The following GRID1 variants were observed in gnomAD, a reference collection of about 807,000 sequenced individuals.
GRID1 encodes glutamate receptor ionotropic, delta-1.
GRID1 carries 28 observed loss-of-function variants against 98.0 expected under a neutral mutation model. The observed-to-expected ratio is 0.29, with a 90% confidence interval of 0.21 to 0.39. The LOEUF (loss-of-function observed/expected upper bound fraction) is 0.39, where lower values mean the gene tolerates loss of function less well. Among genes scored for constraint, GRID1 ranks in the 10% least tolerant of loss-of-function variants. GRID1 has a pLI of 1.00. For missense variants in GRID1, 1,111 were observed against 1,340.5 expected (o/e 0.83, Z 2.67); for synonymous variants, 553 against 538.5 (o/e 1.03, Z -0.37).
intron 4 of GRID1, among the ~76,000 whole-genome samples, chr10:86,123,035 T>A (rs558580644): frequency 3.1e-4 from 47 of 152,336 alleles, no homozygotes; most frequent in African/African-American, 6.5e-4. Flanking sequence ...TGCCCAGCTT[T>A]GAGGATGAAC....
chr10:86,128,002 T>C (rs376497420), intron 4 of GRID1, among the ~76,000 whole-genome samples: 7 of 152,202 alleles, frequency 4.6e-5, no homozygotes, highest in East Asian at 1.9e-4. Context: ...CTCCAGCTTA[T>C]GACCAGTAAA....
At chr10:85,844,045 G>C (rs1233406382) in intron 8 of GRID1, among the ~76,000 whole-genome samples, 1 of 152,036 alleles carries the variant, frequency 6.6e-6, no homozygotes, top group African/African-American at 2.4e-5. Flanking sequence ...TAAACAAATA[G>C]TGAGGCATCC....
intron 2 of GRID1, among the ~76,000 whole-genome samples, chr10:86,216,481 C>T (rs1846178616): frequency 5.3e-5 from 8 of 152,324 alleles, no homozygotes; most frequent in Middle Eastern, 3.4e-3. Context: ...CTAGAGTTAG[C>T]CTTCAGCGCA....
chr10:85,615,554 T>G (rs1371808687), intron 14 of GRID1, among the ~76,000 whole-genome samples: 1 of 152,232 alleles, frequency 6.6e-6, no homozygotes, highest in African/African-American at 2.4e-5. Flanking sequence ...CTTAGGGCAC[T>G]GATCAGCATG....
chr10:86,159,883 G>T (rs1589392199), intron 3 of GRID1, among the ~76,000 whole-genome samples: 1 of 152,122 alleles, frequency 6.6e-6, no homozygotes, highest in Admixed American at 6.5e-5. Flanking sequence ...ATTCAAAGCA[G>T]GTAGAATAGT....
At chr10:85,792,855 G>A (rs888268316) in intron 8 of GRID1, among the ~76,000 whole-genome samples, 1 of 152,198 alleles carries the variant, frequency 6.6e-6, no homozygotes, top group African/African-American at 2.4e-5. Flanking sequence ...CTCTGAGAAG[G>A]TGGGCCAGCA....
In GRID1 at chr10:86,365,265, C is replaced by G. The variant is rs72845194; in HGVS notation, c.79+1049G>C. ...CACCACCCACCCTCCCGCCTTGTCC[C>G]GTCCTCCTCGCCTTCAACACCTCCC... On this transcript the variant is annotated intron_variant, in intron 1 of 15. Transcript: ENST00000327946. The surrounding 1 kb of genome is among the most constrained non-coding windows in gnomAD (Gnocchi z 4.8). 0.052 allele frequency among the ~76,000 whole-genome samples: 7,852 copies of G among 151,968 alleles called. 291 individuals carry two copies. The highest frequency in any genetic ancestry group is 0.075 in the Non-Finnish European group (5,062 of 67,894).
rs1172771588 is a variant in GRID1, at chr10:86,206,671, G to A, written c.236-23C>T. The A allele has an allele frequency of 4.4e-6, 7 of 1,600,118 alleles. No individual in the cohort carries two copies. Among genetic ancestry groups the A allele is most frequent in the African/African-American group, 1.3e-5 (1 of 74,830 alleles). ...AGGCTAGAAAGAGAGAAGAGAGAGA[G>A]GAAGGGGTCAGCATCAGGGCGATGC... On this transcript the variant is annotated intron_variant, in intron 2 of 15. Transcript: ENST00000327946. This position sits in a 1 kb window ranked among gnomAD's most constrained non-coding sequence, Gnocchi z 4.1.
At chr10:86,138,588 A>T (rs2131971752) in intron 4 of GRID1, among the ~76,000 whole-genome samples, 1 of 152,278 alleles carries the variant, frequency 6.6e-6, no homozygotes, top group African/African-American at 2.4e-5. Flanking sequence ...GCCTCCCCAC[A>T]GCTCTTCAGA....
intron 4 of GRID1, among the ~76,000 whole-genome samples, chr10:85,982,133 A>T (rs1191556173): frequency 6.6e-6 from 1 of 151,752 alleles, no homozygotes; most frequent in Non-Finnish European, 1.5e-5. Flanking sequence ...GGAGACCAGG[A>T]CAGATGGAAA....
intron 2 of GRID1, among the ~76,000 whole-genome samples, chr10:86,216,315 G>A (rs1846176386): frequency 6.6e-6 from 1 of 152,252 alleles, no homozygotes; most frequent in Non-Finnish European, 1.5e-5. Context: ...AGAAGATATG[G>A]AACAATTGAA....
chr10:85,637,311 C>A lies in GRID1; in HGVS notation c.2193+9891G>T, dbSNP rs1590169532. Reference sequence around the variant, plus strand: ...TTGCATGTAAATCATAAATGTATAACCTAAAGATTTCCTCTCAAAACTGCT... The same window carrying A: ...TTGCATGTAAATCATAAATGTATAAACTAAAGATTTCCTCTCAAAACTGCT... On this transcript the variant is annotated intron_variant, in intron 13 of 15. Coordinates refer to ENST00000327946, the MANE Select transcript of GRID1 (RefSeq NM_017551.3). Among the ~76,000 whole-genome samples, 3 of 151,960 alleles carry A rather than the reference C, an allele frequency of 2.0e-5. No individual in the cohort carries two copies. The East Asian group carries it at 5.8e-4, about 29-fold the overall frequency.
intron 8 of GRID1, among the ~76,000 whole-genome samples, chr10:85,807,715 C>A (rs1209926575): frequency 6.6e-6 from 1 of 151,544 alleles, no homozygotes; most frequent in African/African-American, 2.4e-5. Flanking sequence ...AAATAAGAAG[C>A]CTAAAAAATA....
At chr10:85,853,319 G>T (rs1293747166) in intron 8 of GRID1, among the ~76,000 whole-genome samples, 1 of 152,174 alleles carries the variant, frequency 6.6e-6, no homozygotes, top group African/African-American at 2.4e-5. Context: ...GTGACATCAG[G>T]CTAGAGGGCT....
rs1842566315 is a variant in GRID1 at position 85,601,001 on chromosome 10, C to A, written c.*1272G>T. The A allele has an allele frequency of 1.3e-5, 2 of 152,274 alleles. No homozygotes were observed. Among genetic ancestry groups the A allele is most frequent in the Non-Finnish European group, 1.5e-5 (1 of 68,164 alleles). The allele number at this position is 152,274 out of a possible 1,614,324, so 9.4% of individuals were successfully genotyped here. On this transcript the variant is annotated 3_prime_UTR_variant, in exon 16 of 16. Coordinates refer to ENST00000327946, the MANE Select transcript of GRID1 (RefSeq NM_017551.3). ...GGAGCCAGCCCTGTTTGTTGGACTG[C>A]CTGCAGGATTTATGACCCAGAGATA...
chr10:85,677,663 T>C (rs555093255), intron 12 of GRID1, among the ~76,000 whole-genome samples: 1 of 152,340 alleles, frequency 6.6e-6, no homozygotes, highest in East Asian at 1.9e-4. Flanking sequence ...TCAATACTTT[T>C]CTGGAATTGT....
At chr10:85,748,761 A>G (rs1227349215) in intron 8 of GRID1, among the ~76,000 whole-genome samples, 1 of 152,190 alleles carries the variant, frequency 6.6e-6, no homozygotes, top group Non-Finnish European at 1.5e-5. Flanking sequence ...GCCAGGCTCC[A>G]GCTTGACATC....
intron 8 of GRID1, among the ~76,000 whole-genome samples, chr10:85,776,644 G>A (rs1842334195): frequency 1.3e-5 from 2 of 152,156 alleles, no homozygotes; most frequent in South Asian, 2.1e-4. Flanking sequence ...CAAGCGCAGC[G>A]ACCGCAGCCC....
At chr10:85,966,397 T>C (rs994051752) in intron 4 of GRID1, among the ~76,000 whole-genome samples, 3 of 152,144 alleles carry the variant, frequency 2.0e-5, no homozygotes, top group Non-Finnish European at 2.9e-5. Context: ...CTTGAGACCA[T>C]ATATAAGTAG....
Sources: gnomAD v4.1 joint callset for allele counts (sites outside exome capture counted in the v4.1 genomes callset) on GRCh38, gnomAD v4.1.1 for gene constraint, Gnocchi (gnomAD v3.1) non-coding constraint, MANE v1.5 for transcripts, NCBI Gene and HGNC (gene_info 2026-07-23, HGNC 2026-07-21) for gene names.